C6: variants seen among roughly 807,000 people sequenced by gnomAD.
The protein encoded by C6 is complement C6, also known as complement component C6.
A neutral mutation model predicts 112.9 loss-of-function variants in C6; 101 were observed. The observed-to-expected ratio is 0.89, with a 90% CI of 0.76 to 1.06. The LOEUF (loss-of-function observed/expected upper bound fraction) is 1.06. Among genes scored for constraint, C6 ranks in the 50% least tolerant of loss-of-function variants. The pLI is 0.00. For missense variants in C6, 1,202 were observed against 1,104.6 expected, an observed-to-expected ratio of 1.09 and a Z score of -1.25; for synonymous variants, 431 against 384.1, an observed-to-expected ratio of 1.12 and a Z score of -1.43.
intron 1 of C6, among the ~76,000 whole-genome samples, 166 bp downstream of exon 1, chr5:41,213,210 C>A (rs1752053778): frequency 6.6e-6 from 1 of 152,018 alleles, no homozygotes; most frequent in African/African-American, 2.4e-5. Flanking sequence ...AAAACATGAC[C>A]TCTGGTTCTT....
At chr5:41,228,036 T>C (rs909693668) in intron 1 of C6, among the ~76,000 whole-genome samples, 45 of 152,184 alleles carry the variant, frequency 3.0e-4, no homozygotes, top group African/African-American at 1.1e-3. Flanking sequence ...CAGATTGCAT[T>C]GAATCTGTAG....
intron 6 of C6, among the ~76,000 whole-genome samples, chr5:41,183,909 A>G: frequency 6.6e-6 from 1 of 151,858 alleles, no homozygotes; most frequent in East Asian, 1.9e-4. Context: ...GTTTTCACTT[A>G]TAAGTGAGAG....
Position 41,199,861 on chromosome 5 carries a change from T to G in C6, c.352A>C (p.Thr118Pro). 1 of 1,613,686 alleles carries G rather than the reference T, an allele frequency of 6.2e-7. No homozygotes were observed. The highest frequency in any genetic ancestry group is 8.5e-7 in the Non-Finnish European group (1 of 1,179,682). The change falls in exon 4 of 18, where the codon ACT (threonine) becomes CCT (proline). Residue 118 changes from threonine to proline, a missense_variant. Physicochemically the swap from Thr to Pro is conservative, Grantham distance 38. Transcript: ENST00000337836. The part of the protein sequence containing the change: ...RPSQFGGQPC[T>P]APLVAFQPCI... ...GGTTGAAAGGCTACCAGAGGCGCAG[T>G]GCATGGCTGTCCCCCAAACTGACTG...
chr5:41,152,243 A>G (rs78324877), intron 15 of C6, among the ~76,000 whole-genome samples: 2 of 152,100 alleles, frequency 1.3e-5, no homozygotes, highest in Non-Finnish European at 2.9e-5. Flanking sequence ...CACTTGAACC[A>G]AGATGAGGAA....
chr5:41,144,090 T>C (rs1429627193), intron 17 of C6, among the ~76,000 whole-genome samples: 1 of 152,202 alleles, frequency 6.6e-6, no homozygotes, highest in Non-Finnish European at 1.5e-5. Context: ...TAACTGTCTG[T>C]TTCCCCAACA....
At chr5:41,198,665 A>C (rs72753986) in intron 4 of C6, among the ~76,000 whole-genome samples, 27,624 of 152,212 alleles carry the variant, frequency 0.18, 2,868 homozygotes, top group South Asian at 0.32. Context: ...TGTTCATTAT[A>C]AATTGGTGAC....
chr5:41,147,076 C>T (rs572027616), intron 17 of C6, among the ~76,000 whole-genome samples: 102 of 152,188 alleles, frequency 6.7e-4, no homozygotes, highest in African/African-American at 2.1e-3. Context: ...CCCTGCTGAC[C>T]AAATTTTATT....
At chr5:41,231,592 A>G (rs73074076) in intron 1 of C6, among the ~76,000 whole-genome samples, 3,859 of 152,172 alleles carry the variant, frequency 0.025, 160 homozygotes, top group African/African-American at 0.088. Flanking sequence ...AATAGGTTAT[A>G]GTTTTCATTT....
At chr5:41,238,380 G>A (rs1740464373) in intron 1 of C6, among the ~76,000 whole-genome samples, 1 of 151,740 alleles carries the variant, frequency 6.6e-6, no homozygotes, top group African/African-American at 2.4e-5. Context: ...CCAAAACAGA[G>A]ATATAGATCA....
chr5:41,182,783 G>C (rs1013816982), intron 6 of C6, among the ~76,000 whole-genome samples: 4 of 152,162 alleles, frequency 2.6e-5, no homozygotes, highest in African/African-American at 9.7e-5. Context: ...CCAAATTTTT[G>C]TTTGAAGAAA....
At chr5:41,200,891 G>GTTTTGTTTTTTTTTTTTTT (rs1554029750) in intron 3 of C6, among the ~76,000 whole-genome samples, 6 of 70,670 alleles carry the variant, frequency 8.5e-5, no homozygotes, top group Non-Finnish European at 1.2e-4. Context: ...TGTTGTTGTT[G>GTTTTGTTTTTTTTTTTTTT]TTTTTTTTTT....
chr5:41,164,314 G>A (rs982513156), intron 9 of C6, among the ~76,000 whole-genome samples: 1 of 152,188 alleles, frequency 6.6e-6, no homozygotes, highest in African/African-American at 2.4e-5. Context: ...TTCCTGGAAG[G>A]AAAGGTGAGA....
chr5:41,230,943 C>A (rs905491726), intron 1 of C6, among the ~76,000 whole-genome samples: 5 of 152,072 alleles, frequency 3.3e-5, no homozygotes, highest in Non-Finnish European at 5.9e-5. Flanking sequence ...ATTGTTATAT[C>A]TTTTTGATGG....
Position 41,142,724 on chromosome 5 carries a change from G to T in C6, c.*101C>A. 1 of 919,370 alleles carries T rather than the reference G, an allele frequency of 1.1e-6. No homozygotes were observed. The highest frequency in any genetic ancestry group is 1.8e-6 in the Non-Finnish European group (1 of 552,388). 57.0% of individuals were successfully genotyped at this position (919,370 alleles called of 1,614,324 possible). The stretch of plus-strand genomic sequence containing the variant: ...GAAAATAATTTTTGTCAGTAACTTT[G>T]AGCATGCCAGTCTGCTGTTTGTGCA... On this transcript the variant is annotated 3_prime_UTR_variant, in exon 18 of 18. Coordinates refer to ENST00000337836, the MANE Select transcript of C6 (RefSeq NM_000065.5).
intron 9 of C6, among the ~76,000 whole-genome samples, chr5:41,169,318 C>A (rs780657711): frequency 6.6e-6 from 1 of 151,890 alleles, no homozygotes; most frequent in African/African-American, 2.4e-5. Flanking sequence ...CACACATACG[C>A]ACACACACAC....
chr5:41,205,712 A>G (rs1751382586), intron 1 of C6, among the ~76,000 whole-genome samples: 1 of 152,316 alleles, frequency 6.6e-6, no homozygotes, highest in African/African-American at 2.4e-5. Flanking sequence ...AGGTAAACAA[A>G]GCAGCTGGGA....
chr5:41,211,172 G>A (rs922719702), intron 1 of C6, among the ~76,000 whole-genome samples: 3 of 152,068 alleles, frequency 2.0e-5, no homozygotes, highest in African/African-American at 7.2e-5. Flanking sequence ...TCACTTATAG[G>A]TGGGAATTGA....
chr5:41,176,941 T>C (rs547185699), intron 7 of C6, among the ~76,000 whole-genome samples: 2 of 152,344 alleles, frequency 1.3e-5, no homozygotes, highest in South Asian at 2.1e-4. Flanking sequence ...TAATGTAAAC[T>C]GTGTAATGGG....
At chr5:41,235,338 G>C (rs1245430601) in intron 1 of C6, among the ~76,000 whole-genome samples, 9 of 143,708 alleles carry the variant, frequency 6.3e-5, no homozygotes, top group Non-Finnish European at 1.4e-4. Flanking sequence ...TTGGTTTTTT[G>C]TTCTTGCGAT....
Sources: gnomAD v4.1 joint callset for allele counts (sites outside exome capture counted in the v4.1 genomes callset) on GRCh38, gnomAD v4.1.1 for gene constraint, MANE v1.5 for transcripts, NCBI Gene and HGNC (gene_info 2026-07-23, HGNC 2026-07-21) for gene names.